The following NCK2 variants were observed in gnomAD, a reference collection of about 807,000 sequenced individuals.
The protein encoded by NCK2 is NCK adaptor protein 2.
A neutral mutation model predicts 33.9 loss-of-function variants in NCK2; 16 were observed. That is an observed-to-expected ratio of 0.47 (90% CI 0.32 to 0.72). NCK2 has a LOEUF of 0.72. Among genes scored for constraint, NCK2 ranks in the 30% least tolerant of loss-of-function variants. The probability of loss-of-function intolerance (pLI) is 0.03; values close to 1 mark genes in which losing one functional copy is unlikely to be tolerated. For synonymous variants in NCK2, 273 were observed against 239.9 expected (o/e 1.14, Z -1.27); for missense variants, 418 against 537.3 (o/e 0.78, Z 2.19).
chr2:105,799,269 T>TA, intron 1 of NCK2, among the ~76,000 whole-genome samples: 2 of 101,036 alleles, frequency 2.0e-5, no homozygotes, highest in Non-Finnish European at 5.4e-5. Flanking sequence ...AGTCCTAGGT[T>TA]TAAAAAAAAA....
chr2:105,887,113 G>C (rs1678752871), intron 4 of NCK2, among the ~76,000 whole-genome samples: 1 of 152,200 alleles, frequency 6.6e-6, no homozygotes, highest in Non-Finnish European at 1.5e-5. Context: ...CATAAGTATA[G>C]GCAGGAGTAA....
Position 105,893,216 on chromosome 2 carries a change from T to C in NCK2, c.*40T>C. ...CACACTCGCCTCCCGGGCCCCACGG[T>C]GGAGCTGCCCGCCCGGCCTTGTGGC... is the stretch of plus-strand genomic sequence containing the variant. On this transcript the variant is annotated 3_prime_UTR_variant, in exon 5 of 5. Transcript: ENST00000233154. 6.5e-7 allele frequency: 1 copy of C among 1,529,114 alleles called. No homozygotes were observed. Among genetic ancestry groups the C allele is most frequent in the Non-Finnish European group, 8.8e-7 (1 of 1,134,712 alleles). 94.7% of individuals were successfully genotyped at this position (1,529,114 alleles called of 1,614,324 possible). A position where few individuals can be genotyped will look rare whatever the true frequency, so the allele number is the denominator to read the frequency against.
At chr2:105,797,730 T>A (rs1691134942) in intron 1 of NCK2, among the ~76,000 whole-genome samples, 1 of 152,220 alleles carries the variant, frequency 6.6e-6, no homozygotes, top group Non-Finnish European at 1.5e-5. Flanking sequence ...TTCGTAACCA[T>A]GATCAGTTAA....
At chr2:105,765,943 A>G (rs1374853919) in intron 1 of NCK2, among the ~76,000 whole-genome samples, 1 of 151,954 alleles carries the variant, frequency 6.6e-6, no homozygotes, top group Non-Finnish European at 1.5e-5. Context: ...ATGTGGGTGT[A>G]AGCTGCTGAA....
intron 3 of NCK2, among the ~76,000 whole-genome samples, chr2:105,866,071 C>A (rs577556472): frequency 6.6e-6 from 1 of 152,142 alleles, no homozygotes; most frequent in Non-Finnish European, 1.5e-5. Context: ...TGCGCCGCCA[C>A]ACCCAGTTGA....
chr2:105,879,851 A>AG (rs1573241554), intron 3 of NCK2, among the ~76,000 whole-genome samples: 1 of 152,254 alleles, frequency 6.6e-6, no homozygotes, highest in East Asian at 1.9e-4. Flanking sequence ...AAAAGGAGAA[A>AG]GGGGTACAAG....
chr2:105,881,480 G>C lies in NCK2; in HGVS notation c.379G>C (p.Glu127Gln), dbSNP rs1394316248. ...CAAGTTCGCCTATGTGGCCGAGCGG[G>C]AGGATGAGTTGTCCCTGGTGAAGGG... is the stretch of plus-strand genomic sequence containing the variant. ...FVKFAYVAER[E>Q]DELSLVKGSR... Residue 127 changes from glutamate (E) to glutamine (Q), a missense_variant, in exon 4 of 5, where the codon GAG becomes CAG. Glu to Gln is a conservative substitution (Grantham distance 29, BLOSUM62 2). Transcript: ENST00000233154. 2 of 1,613,994 alleles carry C rather than the reference G, an allele frequency of 1.2e-6. No homozygotes were observed.
chr2:105,747,810 C>T (rs1427240262), intron 1 of NCK2, among the ~76,000 whole-genome samples: 2 of 152,132 alleles, frequency 1.3e-5, no homozygotes, highest in Non-Finnish European at 2.9e-5. Context: ...AATGTGATTT[C>T]GTGTATCTTG....
chr2:105,795,318 A>G (rs1691040288), intron 1 of NCK2, among the ~76,000 whole-genome samples: 1 of 152,222 alleles, frequency 6.6e-6, no homozygotes, highest in Non-Finnish European at 1.5e-5. Context: ...TTTTTCCTCA[A>G]ATAAGCAATA....
At chr2:105,839,791 T>C (rs1432738588) in intron 2 of NCK2, among the ~76,000 whole-genome samples, 1 of 152,172 alleles carries the variant, frequency 6.6e-6, no homozygotes, top group African/African-American at 2.4e-5. Flanking sequence ...AGAGGGCGGA[T>C]GGAGGGGAGG....
chr2:105,844,572 AAC>A (rs1328735115), intron 2 of NCK2, among the ~76,000 whole-genome samples: 14 of 127,834 alleles, frequency 1.1e-4, no homozygotes, highest in African/African-American at 3.9e-4. Context: ...AGTAGAAAAA[AAC>A]AAAAAAAAAA....
chr2:105,892,996 C>T lies in NCK2; in HGVS notation c.963C>T (p.Ser321=). ...RDSESSPSDF[S]VSLKASGKNK... ...TTCCTCCCCAGCCCAGCGACTTCTC[C>T]GTGTCCCTTAAAGCGTCAGGGAAGA... Residue 321 remains serine (S), a synonymous_variant, in exon 5 of 5, where the codon TCC becomes TCT. Transcript: ENST00000233154. 3 of 1,609,490 alleles carry T rather than the reference C, an allele frequency of 1.9e-6. No individual in the cohort carries two copies. Among genetic ancestry groups the T allele is most frequent in the Non-Finnish European group, 2.6e-6 (3 of 1,176,142 alleles).
Position 105,771,550 on chromosome 2 carries a change from A to G in NCK2, c.-201+26412A>G, listed in dbSNP as rs569610220. Reference sequence around the variant, plus strand: ...ACTGTACTCCAGCCTGGGCGACAAGAGTGGAACTCCCTCTCAAAAACAGAA... The same window carrying G: ...ACTGTACTCCAGCCTGGGCGACAAGGGTGGAACTCCCTCTCAAAAACAGAA... On this transcript the variant is annotated intron_variant, in intron 1 of 4. Transcript: ENST00000233154. 2.0e-5 allele frequency among the ~76,000 whole-genome samples: 3 copies of G among 152,278 alleles called. No individual in the cohort carries two copies. In the South Asian group the frequency reaches 6.2e-4, roughly 32 times the overall value.
intron 2 of NCK2, among the ~76,000 whole-genome samples, chr2:105,829,418 G>C (rs1676080201): frequency 6.6e-6 from 1 of 152,088 alleles, no homozygotes; most frequent in South Asian, 2.1e-4. Context: ...CCATTATTAA[G>C]TAAGGTCTGT....
intron 1 of NCK2, among the ~76,000 whole-genome samples, chr2:105,771,116 G>C (rs946646205): frequency 3.3e-5 from 5 of 152,084 alleles, no homozygotes; most frequent in Admixed American, 1.3e-4. Context: ...TAGAGACGGG[G>C]TTTCACTCTG....
chr2:105,865,902 A>ATATTAT (rs61440392), intron 3 of NCK2, among the ~76,000 whole-genome samples: 1,933 of 148,786 alleles, frequency 0.013, 23 homozygotes, highest in African/African-American at 0.035. Context: ...AAAGACAGAG[A>ATATTAT]TATTATTATT....
intron 3 of NCK2, among the ~76,000 whole-genome samples, chr2:105,861,903 T>TCCTCCCTCCCTCCCTCCCTCCCTCCCTC (rs148839655): frequency 1.0e-4 from 12 of 114,878 alleles, no homozygotes; most frequent in African/African-American, 2.0e-4. Context: ...TGGAATTCTT[T>TCCTCCCTCCCTCCCTCCCTCCCTCCCTC]CCTCCCTCCC....
intron 1 of NCK2, among the ~76,000 whole-genome samples, chr2:105,808,057 T>C (rs1447270017): frequency 6.6e-6 from 1 of 151,954 alleles, no homozygotes; most frequent in Non-Finnish European, 1.5e-5. Context: ...TGTGTACCGC[T>C]ATGCCCAGCT....
intron 3 of NCK2, among the ~76,000 whole-genome samples, chr2:105,861,968 G>A (rs1352404957): frequency 7.8e-6 from 1 of 128,282 alleles, no homozygotes; most frequent in East Asian, 2.2e-4. Context: ...TCTTCCACCT[G>A]CATAATGGCT....
Sources: allele counts gnomAD v4.1 joint callset (sites outside exome capture counted in the v4.1 genomes callset), GRCh38; gene constraint gnomAD v4.1.1; transcripts MANE v1.5; gene names NCBI Gene and HGNC (gene_info 2026-07-23, HGNC 2026-07-21).